Variants in EBF1 observed in about 807,000 individuals in gnomAD.
EBF1 encodes EBF transcription factor 1.
In EBF1, 10 loss-of-function variants were observed where a neutral mutation model predicts 68.4. The observed-to-expected ratio is 0.15, with a 90% CI of 0.09 to 0.25. The LOEUF is 0.25. EBF1 is among the 10% of genes least tolerant of loss of function. The pLI, the probability that EBF1 is intolerant of heterozygous loss-of-function variation, is 1.00. For synonymous variants in EBF1, 298 were observed against 299.8 expected, an observed-to-expected ratio of 0.99 and a Z score of 0.06; for missense variants, 509 against 794.4, an observed-to-expected ratio of 0.64 and a Z score of 4.32.
intron 10 of EBF1, among the ~76,000 whole-genome samples, chr5:158,751,390 C>T: frequency 6.6e-6 from 1 of 151,318 alleles, no homozygotes; most frequent in East Asian, 1.9e-4. Context: ...GACTCCTTTA[C>T]TGATGCCTCT....
At position 159,022,789 on chromosome 5, in the gene EBF1, A is replaced by G. The variant is rs1766971085; in HGVS notation, c.554+50607T>C. On this transcript the variant is annotated intron_variant, in intron 6 of 15. Coordinates refer to ENST00000313708, the MANE Select transcript of EBF1 (RefSeq NM_024007.5). ...CTCAAAGTCACTCCTCAACTCAGAC[A>G]TATTCAAAGAGAGACAAACGGACAG... Among the ~76,000 whole-genome samples the G allele has an allele frequency of 2.0e-5, 3 of 152,192 alleles. No individual in the cohort carries two copies. The South Asian group carries it at 6.2e-4, about 32-fold the overall frequency.
intron 10 of EBF1, among the ~76,000 whole-genome samples, chr5:158,751,125 A>G (rs1768792168): frequency 6.6e-6 from 1 of 152,202 alleles, no homozygotes; most frequent in South Asian, 2.1e-4. Context: ...TATATTTGTT[A>G]TGTATAGAAA....
chr5:158,916,234 A>AC (rs1207666618), intron 6 of EBF1, among the ~76,000 whole-genome samples: 3 of 152,152 alleles, frequency 2.0e-5, no homozygotes, highest in Non-Finnish European at 2.9e-5. Context: ...GTGGCAGGAC[A>AC]AGTGACCCTG....
At chr5:158,709,325 ATAT>A (rs1020394921) in intron 14 of EBF1, among the ~76,000 whole-genome samples, 20 of 139,300 alleles carry the variant, frequency 1.4e-4, no homozygotes, top group African/African-American at 5.6e-4. Context: ...CCTATCACAT[ATAT>A]TTTTTTTTTT....
chr5:158,821,697 T>C (rs1784849346), intron 8 of EBF1, among the ~76,000 whole-genome samples: 1 of 152,202 alleles, frequency 6.6e-6, no homozygotes, highest in African/African-American at 2.4e-5. Flanking sequence ...CCAAGGGTAT[T>C]ATAAAGACAA....
At chr5:158,809,942 C>A (rs1582093770) in intron 8 of EBF1, among the ~76,000 whole-genome samples, 1 of 152,164 alleles carries the variant, frequency 6.6e-6, no homozygotes, top group East Asian at 1.9e-4. Context: ...TAAAATAGTA[C>A]CTTAATAACA....
intron 6 of EBF1, among the ~76,000 whole-genome samples, chr5:158,844,739 C>G (rs1791086789): frequency 2.0e-5 from 3 of 152,184 alleles, no homozygotes; most frequent in Non-Finnish European, 1.5e-5. Context: ...AGTCTACTAC[C>G]TCAAATGGGA....
At chr5:159,072,477 T>C (rs572585746) in intron 6 of EBF1, among the ~76,000 whole-genome samples, 27 of 152,212 alleles carry the variant, frequency 1.8e-4, no homozygotes, top group Non-Finnish European at 3.7e-4. Flanking sequence ...AAAAGGGACT[T>C]GTGTTCAACC....
At chr5:158,883,303 T>TATAC (rs1156603100) in intron 6 of EBF1, among the ~76,000 whole-genome samples, 2 of 150,832 alleles carry the variant, frequency 1.3e-5, no homozygotes, top group African/African-American at 5.0e-5. Flanking sequence ...GGAACATATA[T>TATAC]ATACATACAT....
At chr5:158,711,039 GT>G (rs1759135477) in intron 14 of EBF1, among the ~76,000 whole-genome samples, 1 of 152,182 alleles carries the variant, frequency 6.6e-6, no homozygotes, top group Admixed American at 6.5e-5. Flanking sequence ...GTACCAAAAT[GT>G]TTTTGTAGGC....
intron 6 of EBF1, among the ~76,000 whole-genome samples, chr5:158,965,977 A>T (rs1394778356): frequency 6.6e-6 from 1 of 152,202 alleles, no homozygotes; most frequent in Non-Finnish European, 1.5e-5. Context: ...GCTTAGAGCA[A>T]AAAAGGTAGA....
rs1179238877 is a variant in EBF1, at chr5:158,948,402, G to A, written c.555-108292C>T. Among the ~76,000 whole-genome samples, 7 of 152,072 alleles carry A rather than the reference G, an allele frequency of 4.6e-5. No individual in the cohort carries two copies. The East Asian group carries it at 1.3e-3, about 29-fold the overall frequency. On this transcript the variant is annotated intron_variant, in intron 6 of 15. Transcript: ENST00000313708. Reference sequence around the variant, plus strand: ...TAAAAAAAAAAACCACTGTAGCAGGGGCATTATTCAAGCATACTGTATAAG... The same window carrying A: ...TAAAAAAAAAAACCACTGTAGCAGGAGCATTATTCAAGCATACTGTATAAG...
intron 6 of EBF1, among the ~76,000 whole-genome samples, chr5:158,914,248 G>A (rs1806639768): frequency 6.6e-6 from 1 of 152,104 alleles, no homozygotes; most frequent in African/African-American, 2.4e-5. Context: ...CCTGTTACCC[G>A]AGACCTGGAT....
chr5:158,893,520 C>T (rs1181266284), intron 6 of EBF1, among the ~76,000 whole-genome samples: 1 of 152,212 alleles, frequency 6.6e-6, no homozygotes, highest in African/African-American at 2.4e-5. Context: ...TAGCCTTTGG[C>T]ACTTATAAAT....
At position 158,751,153 on chromosome 5, in the gene EBF1, C is replaced by T. The variant is rs1297803751; in HGVS notation, c.1037-19996G>A. On this transcript the variant is annotated intron_variant, in intron 10 of 15. Coordinates refer to ENST00000313708, the MANE Select transcript of EBF1 (RefSeq NM_024007.5). ...TATAGAAAAATATGAAAGAAATATA[C>T]AAAAATCTTTTTAGTGGTCAACTCT... is the stretch of plus-strand genomic sequence containing the variant. 2.6e-5 allele frequency among the ~76,000 whole-genome samples: 4 copies of T among 152,114 alleles called. No homozygotes were observed. The East Asian group carries it at 5.8e-4, about 22-fold the overall frequency.
At chr5:158,987,711 A>T (rs1005007908) in intron 6 of EBF1, among the ~76,000 whole-genome samples, 1 of 152,224 alleles carries the variant, frequency 6.6e-6, no homozygotes, top group Non-Finnish European at 1.5e-5. Flanking sequence ...TTTCACAGGG[A>T]TCACAACACA....
intron 1 of EBF1, 149 bp downstream of exon 1, chr5:159,099,196 G>C: frequency 1.9e-6 from 1 of 526,810 alleles, no homozygotes; most frequent in Non-Finnish European, 2.8e-6. Context: ...TGGAGAGCGC[G>C]GAGCCCCGGC....
chr5:158,753,028 G>C (rs1423636713), intron 10 of EBF1, among the ~76,000 whole-genome samples: 4 of 151,928 alleles, frequency 2.6e-5, no homozygotes, highest in Admixed American at 2.6e-4. Context: ...GTTTTCGCTC[G>C]CTCAACACCG....
At chr5:158,993,468 G>T (rs1439991167) in intron 6 of EBF1, among the ~76,000 whole-genome samples, 1 of 152,102 alleles carries the variant, frequency 6.6e-6, no homozygotes, top group African/African-American at 2.4e-5. Context: ...AAATCCTAGT[G>T]TTTTCCCTCT....
Sources: gnomAD v4.1 joint callset for allele counts (sites outside exome capture counted in the v4.1 genomes callset) on GRCh38, gnomAD v4.1.1 for gene constraint, MANE v1.5 for transcripts, NCBI Gene and HGNC (gene_info 2026-07-23, HGNC 2026-07-21) for gene names.